The following VASH1 variants were observed in gnomAD, a reference collection of about 807,000 sequenced individuals.
The protein encoded by VASH1 is vasohibin 1.
VASH1 carries 16 observed loss-of-function variants against 35.0 expected under a neutral mutation model. That is an observed-to-expected ratio of 0.46 (90% CI 0.31 to 0.70). The LOEUF (loss-of-function observed/expected upper bound fraction) is 0.70, where lower values mean the gene tolerates loss of function less well. Ranked by LOEUF, VASH1 falls within the 30% of genes least tolerant of loss-of-function variation. VASH1 has a pLI of 0.05. For synonymous variants in VASH1, 214 were observed against 200.9 expected, an observed-to-expected ratio of 1.07 and a Z score of -0.55; for missense variants, 505 against 510.7, an observed-to-expected ratio of 0.99 and a Z score of 0.11.
chr14:76,772,375 C>T (rs899575302), intron 3 of VASH1, among the ~76,000 whole-genome samples: 3 of 152,192 alleles, frequency 2.0e-5, no homozygotes, highest in Non-Finnish European at 4.4e-5. Flanking sequence ...ACACCCTCTC[C>T]GAGGCCCTGG....
chr14:76,781,237 A>G lies in VASH1; in HGVS notation c.*2219A>G, dbSNP rs368125426. The G allele has an allele frequency of 2.0e-5, 3 of 152,364 alleles. No individual in the cohort carries two copies. The South Asian group carries it at 6.2e-4, about 32-fold the overall frequency. 9.4% of individuals were successfully genotyped at this position (152,364 alleles called of 1,614,324 possible). A position where few individuals can be genotyped will look rare whatever the true frequency, so the allele number is the denominator to read the frequency against. ...AGCTGGTCAGTCCCTTGCCTCCCCA[A>G]GTTCCCCCTGGGGTCAATGAGCCCT... is the stretch of plus-strand genomic sequence containing the variant. On this transcript the variant is annotated 3_prime_UTR_variant, in exon 7 of 7. Coordinates refer to ENST00000167106, the MANE Select transcript of VASH1 (RefSeq NM_014909.5).
At chr14:76,764,274 A>C (rs1893583526) in intron 1 of VASH1, among the ~76,000 whole-genome samples, 1 of 152,252 alleles carries the variant, frequency 6.6e-6, no homozygotes, top group South Asian at 2.1e-4. Flanking sequence ...GAAGGTTTAA[A>C]TACTGCCTAA....
At position 76,771,239 on chromosome 14, in the gene VASH1, C is replaced by A. The variant is rs991126666; in HGVS notation, c.448C>A (p.Leu150Met). Residue 150 changes from leucine (L) to methionine (M), a missense_variant, in exon 3 of 7, where the codon CTG (leucine) becomes ATG (methionine). Physicochemically the swap from Leu to Met is conservative, Grantham distance 15. Transcript: ENST00000167106. ...CTTTGAAATTAAGAAGAGCAGACCT[C>A]TGACAGGGTAAGTATGGGGAGGCCA... Reference protein sequence around the residue: ...QFFEIKKSRPLTGLMDLAKEM... With the variant: ...QFFEIKKSRPMTGLMDLAKEM... 1 of 1,602,830 alleles carries A rather than the reference C, an allele frequency of 6.2e-7. No homozygotes were observed. Among genetic ancestry groups the A allele is most frequent in the East Asian group, 2.3e-5 (1 of 43,744 alleles).
chr14:76,768,426 A>G (rs1246991082), intron 1 of VASH1, among the ~76,000 whole-genome samples: 1 of 152,150 alleles, frequency 6.6e-6, no homozygotes, highest in African/African-American at 2.4e-5. Context: ...GACTCCCCAG[A>G]CAGGAAGGAG....
chr14:76,768,272 C>T (rs1258377090), intron 1 of VASH1, among the ~76,000 whole-genome samples: 1 of 152,176 alleles, frequency 6.6e-6, no homozygotes, highest in Non-Finnish European at 1.5e-5. Context: ...GAGGGGGGAG[C>T]CCCCCACCCC....
At chr14:76,778,100 C>A in intron 6 of VASH1, 29 bp downstream of exon 6, 1 of 1,396,868 alleles carries the variant, frequency 7.2e-7, no homozygotes, top group Non-Finnish European at 9.4e-7. Context: ...CTGGGTGGGT[C>A]CAAAGAGGGT....
intron 4 of VASH1, chr14:76,773,635 T>TAA (rs11334805): frequency 8.3e-4 from 144 of 174,324 alleles, no homozygotes; most frequent in African/African-American, 2.0e-3. Flanking sequence ...AAAACTGCCT[T>TAA]AAAAAAAAAA....
Position 76,762,070 on chromosome 14 carries a change from T to C in VASH1, c.-752T>C. On this transcript the variant is annotated 5_prime_UTR_variant, in exon 1 of 7. Transcript: ENST00000167106. ...GCCTCCCCGCCGCGCCCGCTCCCTT[T>C]CTGGGGACTCCGCCGCTGTTTCTGG... 1 of 152,434 alleles carries C rather than the reference T, an allele frequency of 6.6e-6. No individual in the cohort carries two copies. 9.4% of individuals were successfully genotyped at this position (152,434 alleles called of 1,614,324 possible).
At chr14:76,765,633 C>T (rs1023893530) in intron 1 of VASH1, among the ~76,000 whole-genome samples, 1 of 152,222 alleles carries the variant, frequency 6.6e-6, no homozygotes, top group African/African-American at 2.4e-5. Context: ...CTACAGCGGC[C>T]ACACAGTGTG....
rs1293029597 is a variant in VASH1, at chr14:76,762,883, C to T, written c.62C>T (p.Ala21Val). The change falls in exon 1 of 7, where the codon GCG (alanine) becomes GTG (valine). Residue 21 changes from alanine (A) to valine (V), a missense_variant. Physicochemically the swap from Ala to Val is moderately conservative, Grantham distance 64. Coordinates refer to ENST00000167106, the MANE Select transcript of VASH1 (RefSeq NM_014909.5). ...AGCGGTGCCACTCCAACGTCCGCTG[C>T]GGCCACCGCCCCCTCTGGGGTCAGG... ...GSSGATPTSA[A>V]ATAPSGVRRL... is the part of the protein sequence containing the mutation. 5 of 1,549,426 alleles carry T rather than the reference C, an allele frequency of 3.2e-6. No individual in the cohort carries two copies. Among genetic ancestry groups the T allele is most frequent in the South Asian group, 2.5e-5 (2 of 80,674 alleles).
intron 2 of VASH1, among the ~76,000 whole-genome samples, chr14:76,770,975 CTT>C (rs1344964493): frequency 6.6e-6 from 1 of 152,232 alleles, no homozygotes; most frequent in Non-Finnish European, 1.5e-5. Context: ...CTCCATGTCT[CTT>C]GTCCTAAGAA....
At chr14:76,770,723 T>A (rs1468112373) in intron 2 of VASH1, among the ~76,000 whole-genome samples, 4 of 152,170 alleles carry the variant, frequency 2.6e-5, no homozygotes, top group African/African-American at 9.7e-5. Flanking sequence ...TAGGCATGGG[T>A]CCTGGGTCGG....
At chr14:76,766,846 C>T (rs944010773) in intron 1 of VASH1, among the ~76,000 whole-genome samples, 4 of 152,262 alleles carry the variant, frequency 2.6e-5, no homozygotes, top group African/African-American at 9.6e-5. Flanking sequence ...TGTGCCTGAC[C>T]CTGCTCTAAG....
intron 5 of VASH1, among the ~76,000 whole-genome samples, chr14:76,776,983 A>G (rs779534516): frequency 5.3e-5 from 8 of 152,158 alleles, no homozygotes; most frequent in Non-Finnish European, 1.0e-4. Context: ...CTGGGAGGCC[A>G]GCGGGCGGTA....
At chr14:76,769,239 C>T in intron 1 of VASH1, 2 of 1,246,274 alleles carry the variant, frequency 1.6e-6, no homozygotes, top group Non-Finnish European at 2.1e-6. Context: ...CTGGAAAGTG[C>T]GTTCTGGGGA....
chr14:76,763,201 C>G (rs1893552175), intron 1 of VASH1, 71 bp downstream of exon 1: 7 of 1,324,266 alleles, frequency 5.3e-6, no homozygotes, highest in South Asian at 4.7e-5. Flanking sequence ...AGAGTGAAGC[C>G]ACACTCTCCT....
At position 76,762,804 on chromosome 14, in the gene VASH1, C is replaced by A; in HGVS notation, c.-18C>A. The stretch of plus-strand genomic sequence containing the variant: ...CAGTTGTTTTCCCGCCTCCACCACC[C>A]CCCTCGAAGATTTAGGGATGCCAGG... On this transcript the variant is annotated 5_prime_UTR_variant, in exon 1 of 7. Coordinates refer to ENST00000167106, the MANE Select transcript of VASH1 (RefSeq NM_014909.5). 6.9e-7 allele frequency: 1 copy of A among 1,454,692 alleles called. No homozygotes were observed. Among genetic ancestry groups the A allele is most frequent in the Non-Finnish European group, 9.1e-7 (1 of 1,102,508 alleles). The allele number at this position is 1,454,692 out of a possible 1,614,324, so 90.1% of individuals were successfully genotyped here.
At chr14:76,773,064 GC>G in intron 3 of VASH1, 72 bp from the exon 4 acceptor site, 1 of 1,467,332 alleles carries the variant, frequency 6.8e-7, no homozygotes, top group Non-Finnish European at 9.4e-7. Context: ...AGTCCACCCT[GC>G]CCCCTCCTTC....
At chr14:76,773,318 T>A in intron 4 of VASH1, 107 bp downstream of exon 4, 1 of 1,133,884 alleles carries the variant, frequency 8.8e-7, no homozygotes, top group Non-Finnish European at 1.3e-6. Context: ...GGCTCTCCCA[T>A]ATGCAGTCAT....
Sources: gnomAD v4.1 joint callset for allele counts (sites outside exome capture counted in the v4.1 genomes callset) on GRCh38, gnomAD v4.1.1 for gene constraint, MANE v1.5 for transcripts, NCBI Gene and HGNC (gene_info 2026-07-23, HGNC 2026-07-21) for gene names.